The following CPT1A variants were observed in gnomAD, a reference collection of about 807,000 sequenced individuals.
The protein encoded by CPT1A is carnitine O-palmitoyltransferase 1, liver isoform.
A neutral mutation model predicts 100.8 loss-of-function variants in CPT1A; 64 were observed. That is an observed-to-expected ratio of 0.63 (90% CI 0.52 to 0.78). CPT1A has a LOEUF of 0.78. Ranked by LOEUF, CPT1A falls within the 30% of genes least tolerant of loss-of-function variation. The pLI is 0.00. For synonymous variants in CPT1A, 363 were observed against 396.0 expected (o/e 0.92, Z 0.99); for missense variants, 802 against 1,034.1 (o/e 0.78, Z 3.08).
At chr11:68,804,145 C>A (rs1425790708) in intron 4 of CPT1A, 44 bp from the exon 5 acceptor site, 1 of 1,441,666 alleles carries the variant, frequency 6.9e-7, no homozygotes, top group Admixed American at 1.7e-5. Flanking sequence ...CCATACTACT[C>A]TGAAGGCACC....
chr11:68,821,026 G>A (rs1056267323), intron 1 of CPT1A, among the ~76,000 whole-genome samples: 6 of 152,142 alleles, frequency 3.9e-5, no homozygotes, highest in South Asian at 2.1e-4. Flanking sequence ...ACACAGTCTC[G>A]CTCTGTCCCC....
intron 11 of CPT1A, among the ~76,000 whole-genome samples, chr11:68,781,066 T>C (rs1855297508): frequency 6.6e-6 from 1 of 152,218 alleles, no homozygotes; most frequent in African/African-American, 2.4e-5. Context: ...CAGCCAATCC[T>C]TGGCTCCACC....
rs115511619 is a variant in CPT1A at position 68,777,024 on chromosome 11, G to A, written c.1459-1592C>T. On this transcript the variant is annotated intron_variant, in intron 12 of 18. Coordinates refer to ENST00000265641, the MANE Select transcript of CPT1A (RefSeq NM_001876.4). ...GGCGGGTGGAAGGTGCCGCTAATAC[G>A]TGGGGGTCACAATCCAGGCTGACCT... 2.9e-3 allele frequency among the ~76,000 whole-genome samples: 449 copies of A among 152,336 alleles called. 2 individuals are homozygous for A. Among genetic ancestry groups the A allele is most frequent in the African/African-American group, 1.0e-2 (415 of 41,576 alleles).
chr11:68,841,987 C>A, upstream of CPT1A: 1 of 985,028 alleles, frequency 1.0e-6, no homozygotes, highest in Non-Finnish European at 1.2e-6. The surrounding 1 kb of genome is among the most constrained non-coding windows in gnomAD (Gnocchi z 6.3). Flanking sequence ...GGCCCGGGGC[C>A]TCGGCGGGGC....
In CPT1A at chr11:68,757,109, G is replaced by T; in HGVS notation, c.*535C>A. 5.5e-6 allele frequency: 1 copy of T among 182,110 alleles called. No homozygotes were observed. Among genetic ancestry groups the T allele is most frequent in the Non-Finnish European group, 1.1e-5 (1 of 88,714 alleles). 11.3% of individuals were successfully genotyped at this position (182,110 alleles called of 1,614,324 possible). A position where few individuals can be genotyped will look rare whatever the true frequency, so the allele number is the denominator to read the frequency against. Reference sequence around the variant, plus strand: ...AAACACAGGCTACTGGACCAGACGGGAACGGTTACCCACGGTGACAAAAGC... The same window carrying T: ...AAACACAGGCTACTGGACCAGACGGTAACGGTTACCCACGGTGACAAAAGC... On this transcript the variant is annotated 3_prime_UTR_variant, in exon 19 of 19. Transcript: ENST00000265641.
At chr11:68,794,375 A>G (rs57498171) in intron 8 of CPT1A, among the ~76,000 whole-genome samples, 4,268 of 152,196 alleles carry the variant, frequency 0.028, 198 homozygotes, top group African/African-American at 0.097. Flanking sequence ...GCATCAATAT[A>G]TACACATCAG....
intron 9 of CPT1A, among the ~76,000 whole-genome samples, chr11:68,788,800 C>A (rs1332464065): frequency 3.9e-5 from 6 of 152,072 alleles, no homozygotes; most frequent in East Asian, 1.9e-4. Context: ...AAGTTGCTAA[C>A]CCTTTTGGCA....
intron 5 of CPT1A, among the ~76,000 whole-genome samples, chr11:68,801,266 C>T (rs181012306): frequency 2.0e-5 from 3 of 152,292 alleles, no homozygotes; most frequent in Middle Eastern, 3.4e-3. Context: ...GCATCTCTTG[C>T]TCACCCCATC....
Position 68,759,653 on chromosome 11 carries a change from A to G in CPT1A, c.2151T>C (p.Asp717=). 1 of 1,611,878 alleles carries G rather than the reference A, an allele frequency of 6.2e-7. No homozygotes were observed. The highest frequency in any genetic ancestry group is 8.5e-7 in the Non-Finnish European group (1 of 1,177,964). The change falls in exon 18 of 19, where the codon GAT becomes GAC. Residue 717 remains aspartate (D), a synonymous_variant. Coordinates refer to ENST00000265641, the MANE Select transcript of CPT1A (RefSeq NM_001876.4). ...SSGGGFGPVA[D]DGYGVSYILV... ...GGATGTACGACACACCATAGCCGTC[A>G]TCAGCAACCTGGAGGACAAGGGAAT...
chr11:68,759,731 TC>T, intron 17 of CPT1A, 70 bp from the exon 18 acceptor site: 1 of 1,161,164 alleles, frequency 8.6e-7, no homozygotes. Context: ...TTTCTAATGT[TC>T]TAAATGCAAC....
intron 14 of CPT1A, among the ~76,000 whole-genome samples, chr11:68,772,634 G>C (rs1364611972): frequency 6.6e-6 from 1 of 152,056 alleles, no homozygotes; most frequent in Non-Finnish European, 1.5e-5. Flanking sequence ...TATGGAAGGA[G>C]ATGTCAAAGG....
intron 10 of CPT1A, among the ~76,000 whole-genome samples, chr11:68,782,764 C>T (rs114108893): frequency 0.031 from 4,744 of 152,286 alleles, 225 homozygotes; most frequent in African/African-American, 0.1. Context: ...TTGGCTATGG[C>T]GGCCCGCAGG....
chr11:68,821,971 T>A (rs1856596631), intron 1 of CPT1A, among the ~76,000 whole-genome samples: 1 of 152,132 alleles, frequency 6.6e-6, no homozygotes, highest in Admixed American at 6.6e-5. Flanking sequence ...ATCACAAAGA[T>A]GGATGATAGC....
Position 68,813,577 on chromosome 11 carries a change from C to G in CPT1A, c.142-1001G>C, listed in dbSNP as rs375483550. On this transcript the variant is annotated intron_variant, in intron 2 of 18. Coordinates refer to ENST00000265641, the MANE Select transcript of CPT1A (RefSeq NM_001876.4). ...ATTAGCCGGGCATTGTGGTGTGCAC[C>G]TATGGTCCCAACTACTTGGGTGGAT... is the stretch of plus-strand genomic sequence containing the variant. Among the ~76,000 whole-genome samples, 11 of 149,832 alleles carry G rather than the reference C, an allele frequency of 7.3e-5. No homozygotes were observed. The South Asian group carries it at 2.3e-3, about 32-fold the overall frequency.
intron 1 of CPT1A, among the ~76,000 whole-genome samples, chr11:68,831,745 T>C (rs1856886227): frequency 6.6e-6 from 1 of 151,884 alleles, no homozygotes; most frequent in Non-Finnish European, 1.5e-5. Context: ...GTGATTCTCC[T>C]GCCTCAGCCT....
intron 14 of CPT1A, among the ~76,000 whole-genome samples, chr11:68,768,467 G>A (rs532455478): frequency 2.6e-5 from 4 of 151,794 alleles, no homozygotes; most frequent in African/African-American, 9.7e-5. Flanking sequence ...GTGCAGTGGC[G>A]TGGTCTTGGC....
chr11:68,790,109 C>T (rs1706005833), intron 9 of CPT1A, among the ~76,000 whole-genome samples: 1 of 151,982 alleles, frequency 6.6e-6, no homozygotes, highest in Non-Finnish European at 1.5e-5. Flanking sequence ...TTCTGTCACC[C>T]AGGCTAAGTG....
chr11:68,820,481 G>A (rs1429915403), intron 1 of CPT1A, among the ~76,000 whole-genome samples: 9 of 150,974 alleles, frequency 6.0e-5, no homozygotes, highest in African/African-American at 1.7e-4. Context: ...TCAGGGGTTC[G>A]AGACCAGCCT....
At position 68,826,796 on chromosome 11, in the gene CPT1A, G is replaced by A. The variant is rs946769891; in HGVS notation, c.-13-11309C>T. On this transcript the variant is annotated intron_variant, in intron 1 of 18. Coordinates refer to ENST00000265641, the MANE Select transcript of CPT1A (RefSeq NM_001876.4). ...GACTTTCTGTAACATACTTTACTTA[G>A]CACAAACGGGATTCCTCAAAGTAAA... 4.0e-5 allele frequency among the ~76,000 whole-genome samples: 6 copies of A among 151,766 alleles called. No individual in the cohort carries two copies. The South Asian group carries it at 1.0e-3, about 26-fold the overall frequency.
Sources: allele counts gnomAD v4.1 joint callset (sites outside exome capture counted in the v4.1 genomes callset), GRCh38; gene constraint gnomAD v4.1.1; non-coding constraint Gnocchi (gnomAD v3.1); transcripts MANE v1.5; gene names NCBI Gene and HGNC (gene_info 2026-07-23, HGNC 2026-07-21).